ENOX1: variants seen among roughly 807,000 people sequenced by gnomAD.
ENOX1 encodes the protein ecto-NOX disulfide-thiol exchanger 1, also known as candidate growth-related and time keeping constitutive hydroquinone (NADH) oxidase.
A neutral mutation model predicts 82.5 loss-of-function variants in ENOX1; 42 were observed. The ratio of observed to expected loss-of-function variants is 0.51; its 90% CI spans 0.40 to 0.66. ENOX1 has a LOEUF of 0.66. Ranked by LOEUF, ENOX1 falls within the 30% of genes least tolerant of loss-of-function variation. ENOX1 has a pLI of 0.00. For missense variants in ENOX1, 608 were observed against 811.6 expected (o/e 0.75, Z 3.05); for synonymous variants, 271 against 282.2 (o/e 0.96, Z 0.40).
chr13:43,263,333 CT>C (rs1212103432), intron 14 of ENOX1, among the ~76,000 whole-genome samples: 1 of 152,126 alleles, frequency 6.6e-6, no homozygotes, highest in African/African-American at 2.4e-5. Context: ...CCCCCACCCC[CT>C]AGGTCAAGGT....
intron 8 of ENOX1, among the ~76,000 whole-genome samples, chr13:43,354,334 A>G (rs1036156272): frequency 6.6e-6 from 1 of 152,208 alleles, no homozygotes; most frequent in East Asian, 1.9e-4. Context: ...AAAGCAGCAG[A>G]CACACCACAA....
intron 1 of ENOX1, among the ~76,000 whole-genome samples, chr13:43,682,564 A>G (rs1005591108): frequency 1.3e-5 from 2 of 152,148 alleles, no homozygotes; most frequent in Non-Finnish European, 2.9e-5. Context: ...TGTAGTTACC[A>G]TTCTCATTCA....
rs983427167 is a variant in ENOX1, at chr13:43,376,664, G to A, written c.209-15212C>T. On this transcript the variant is annotated intron_variant, in intron 5 of 16. Coordinates refer to ENST00000690772, the MANE Select transcript of ENOX1 (RefSeq NM_001347969.2). ...CAGTCACAGCAGATTATAACAGAAAGTCATACATGTAAGAGGTAAATCCTA... is the reference window on the plus strand; with the variant it reads ...CAGTCACAGCAGATTATAACAGAAAATCATACATGTAAGAGGTAAATCCTA... Among the ~76,000 whole-genome samples the A allele has an allele frequency of 1.7e-4, 26 of 152,190 alleles. 1 individual carries two copies. The highest frequency in any genetic ancestry group is 1.7e-3 in the Admixed American group (26 of 15,272).
intron 2 of ENOX1, among the ~76,000 whole-genome samples, chr13:43,509,576 T>C (rs1475711879): frequency 6.6e-6 from 1 of 152,224 alleles, no homozygotes; most frequent in East Asian, 1.9e-4. Flanking sequence ...CTGGACTTTC[T>C]AAGTGTGTTA....
chr13:43,304,882 C>A (rs2046775932), intron 11 of ENOX1, among the ~76,000 whole-genome samples: 1 of 152,206 alleles, frequency 6.6e-6, no homozygotes, highest in Admixed American at 6.5e-5. Context: ...CAGTATGAGA[C>A]TATTCACCCC....
At chr13:43,371,255 T>C (rs180913299) in intron 5 of ENOX1, among the ~76,000 whole-genome samples, 1 of 152,304 alleles carries the variant, frequency 6.6e-6, no homozygotes. Flanking sequence ...TATTGAGAAA[T>C]ATTTTTGAAC....
chr13:43,731,194 G>A (rs954195913), intron 1 of ENOX1, among the ~76,000 whole-genome samples: 1 of 151,992 alleles, frequency 6.6e-6, no homozygotes. Flanking sequence ...AATGACCCCG[G>A]GTAATTACAT....
intron 2 of ENOX1, among the ~76,000 whole-genome samples, chr13:43,579,823 T>C (rs1449899569): frequency 6.6e-6 from 1 of 152,144 alleles, no homozygotes; most frequent in East Asian, 1.9e-4. Context: ...AGGAAGAACT[T>C]AAATTTATCC....
At position 43,250,248 on chromosome 13, in the gene ENOX1, C is replaced by T. The variant is rs146627824; in HGVS notation, c.1612-13510G>A. ...CTGCCTTCTGTCTGAATGATCTCTC[C>T]GGAAACTATAGCTTCTCCACTTGGT... is the stretch of plus-strand genomic sequence containing the variant. On this transcript the variant is annotated intron_variant, in intron 14 of 16. Coordinates refer to ENST00000690772, the MANE Select transcript of ENOX1 (RefSeq NM_001347969.2). Among the ~76,000 whole-genome samples, 1,168 of 152,292 alleles carry T rather than the reference C, an allele frequency of 7.7e-3. 16 individuals are homozygous for T. The highest frequency in any genetic ancestry group is 0.058 in the East Asian group (302 of 5,184).
intron 15 of ENOX1, among the ~76,000 whole-genome samples, chr13:43,236,298 G>T (rs1346680490): frequency 1.3e-5 from 2 of 152,140 alleles, no homozygotes; most frequent in Non-Finnish European, 2.9e-5. Context: ...TGGGGATATG[G>T]CTTGGTTTGG....
chr13:43,234,549 A>G (rs1015677521), intron 15 of ENOX1, among the ~76,000 whole-genome samples: 1 of 152,232 alleles, frequency 6.6e-6, no homozygotes, highest in Non-Finnish European at 1.5e-5. Context: ...TGCTAATATT[A>G]GTAAACTAGT....
chr13:43,301,176 C>T (rs188314491), intron 11 of ENOX1, among the ~76,000 whole-genome samples: 42 of 152,278 alleles, frequency 2.8e-4, no homozygotes, highest in African/African-American at 8.7e-4. Context: ...TCTATTTGGC[C>T]CTTTTTCAAT....
intron 1 of ENOX1, among the ~76,000 whole-genome samples, chr13:43,737,545 C>T (rs1004364341): frequency 1.3e-5 from 2 of 152,244 alleles, no homozygotes; most frequent in East Asian, 1.9e-4. Context: ...GATGGGAACC[C>T]TTCCTCAGAA....
At chr13:43,359,360 C>A (rs1466661897) in intron 7 of ENOX1, among the ~76,000 whole-genome samples, 3 of 152,202 alleles carry the variant, frequency 2.0e-5, no homozygotes, top group African/African-American at 4.8e-5. Flanking sequence ...AAAATTGACA[C>A]CAGAGGACAA....
chr13:43,475,662 G>T (rs2058246975), intron 3 of ENOX1, among the ~76,000 whole-genome samples: 1 of 151,902 alleles, frequency 6.6e-6, no homozygotes, highest in Non-Finnish European at 1.5e-5. Flanking sequence ...ATTTAAAGGG[G>T]TAATGATTGA....
Position 43,655,858 on chromosome 13 carries a change from T to C in ENOX1, c.-219+11621A>G, listed in dbSNP as rs556519216. Among the ~76,000 whole-genome samples the C allele has an allele frequency of 1.2e-4, 18 of 152,308 alleles. No individual in the cohort carries two copies. The South Asian group carries it at 3.7e-3, about 32-fold the overall frequency. On this transcript the variant is annotated intron_variant, in intron 2 of 16. Coordinates refer to ENST00000690772, the MANE Select transcript of ENOX1 (RefSeq NM_001347969.2). ...AAAGTTCAAGAGCTGGTGGGTTTCC[T>C]TGATTCCACCTTCCAAATAACTAGT...
At chr13:43,403,918 C>G (rs189679687) in intron 5 of ENOX1, among the ~76,000 whole-genome samples, 21 of 152,230 alleles carry the variant, frequency 1.4e-4, no homozygotes, top group Admixed American at 1.3e-3. Flanking sequence ...CAGCTTAGCA[C>G]TAGGATGCAA....
At position 43,355,944 on chromosome 13, in the gene ENOX1, G is replaced by A. The variant is rs374431410; in HGVS notation, c.798C>T (p.Ala266=). 7.4e-5 allele frequency: 119 copies of A among 1,613,494 alleles called. No individual in the cohort carries two copies. The highest frequency in any genetic ancestry group is 2.9e-4 in the East Asian group (13 of 44,866). The part of the protein sequence containing the change: ...PAIMHYSEHE[A]ALLAEKLKDD... ...CTTTCAGCTTTTCAGCCAGCAGAGC[G>A]GCTTCGTGCTCCGAGTAGTGCATTA... Residue 266 remains alanine, a synonymous_variant, in exon 8 of 17, where the codon GCC becomes GCT. Coordinates refer to ENST00000690772, the MANE Select transcript of ENOX1 (RefSeq NM_001347969.2).
chr13:43,536,327 A>C (rs2153691289), intron 2 of ENOX1, among the ~76,000 whole-genome samples: 1 of 152,328 alleles, frequency 6.6e-6, no homozygotes, highest in Middle Eastern at 3.4e-3. Context: ...TTTTTTCATA[A>C]AATTTGTTTG....
Sources: allele counts gnomAD v4.1 joint callset (sites outside exome capture counted in the v4.1 genomes callset), GRCh38; gene constraint gnomAD v4.1.1; transcripts MANE v1.5; gene names NCBI Gene and HGNC (gene_info 2026-07-23, HGNC 2026-07-21).